SLC8A3: variants seen among roughly 807,000 people sequenced by gnomAD.
SLC8A3 encodes the protein sodium/calcium exchanger 3.
A neutral mutation model predicts 65.4 loss-of-function variants in SLC8A3; 37 were observed. The observed-to-expected ratio is 0.57, with a 90% CI of 0.44 to 0.74. The LOEUF (loss-of-function observed/expected upper bound fraction) is 0.74, where lower values mean the gene tolerates loss of function less well. Among genes scored for constraint, SLC8A3 ranks in the 30% least tolerant of loss-of-function variants. The pLI is 0.00. For missense variants in SLC8A3, 1,112 were observed against 1,172.1 expected (o/e 0.95, Z 0.75); for synonymous variants, 461 against 444.5 (o/e 1.04, Z -0.47).
Position 70,146,030 on chromosome 14 carries a change from G to A in SLC8A3, c.1784+20609C>T, listed in dbSNP as rs116025039. Among the ~76,000 whole-genome samples the A allele has an allele frequency of 3.7e-3, 570 of 152,268 alleles. 3 individuals carry two copies. Among genetic ancestry groups the A allele is most frequent in the African/African-American group, 0.013 (531 of 41,558 alleles). ...ACAGCATGTCCAAATGATAGGCTCT[G>A]TAGAAGATGTCCCCAGGAGCACTCT... On this transcript the variant is annotated intron_variant, in intron 2 of 6. Transcript: ENST00000356921.
In SLC8A3 at chr14:70,051,054, G is replaced by C. The variant is rs112429245; in HGVS notation, c.2067C>G (p.Thr689=). The change falls in exon 5 of 7, where the codon ACC becomes ACG. Residue 689 remains threonine, a synonymous_variant. Coordinates refer to ENST00000356921, the MANE Select transcript of SLC8A3 (RefSeq NM_182932.3). ...KKTNLALVVG[T]HSWRDQFMEA... ...CCATGAACTGGTCCCTCCAGGAATG[G>C]GTCCCCACAACCAAGGCCAGGTTTG... 6.2e-7 allele frequency: 1 copy of C among 1,613,614 alleles called. No individual in the cohort carries two copies. Among genetic ancestry groups the C allele is most frequent in the South Asian group, 1.1e-5 (1 of 91,068 alleles).
chr14:70,109,670 T>G (rs978134156), intron 2 of SLC8A3, among the ~76,000 whole-genome samples: 1 of 151,902 alleles, frequency 6.6e-6, no homozygotes, highest in Admixed American at 6.6e-5. Flanking sequence ...GCCAAGCTGG[T>G]CTCGAAAAGT....
intron 2 of SLC8A3, among the ~76,000 whole-genome samples, chr14:70,129,457 G>A (rs1894682604): frequency 6.6e-6 from 1 of 152,114 alleles, no homozygotes; most frequent in South Asian, 2.1e-4. Context: ...AATCCTATAG[G>A]GGTGTCATTA....
chr14:70,160,438 TA>T (rs1896816889), intron 2 of SLC8A3, among the ~76,000 whole-genome samples: 1 of 152,046 alleles, frequency 6.6e-6, no homozygotes, highest in Non-Finnish European at 1.5e-5. Flanking sequence ...CCGAAATAAA[TA>T]AATAAATAAA....
intron 2 of SLC8A3, chr14:70,064,065 C>T (rs911128911): frequency 4.4e-5 from 26 of 593,372 alleles, no homozygotes; most frequent in African/African-American, 1.1e-4. Flanking sequence ...CACAGGGGCA[C>T]GGAGGAGAGT....
intron 2 of SLC8A3, among the ~76,000 whole-genome samples, chr14:70,116,321 C>CTGTGTGTGTGTGTGTG (rs55890014): frequency 5.8e-4 from 86 of 147,764 alleles, no homozygotes; most frequent in African/African-American, 1.7e-3. Context: ...ATTGAGAACA[C>CTGTGTGTGTGTGTGTG]TGTGTGTGTG....
chr14:70,046,572 A>C lies in SLC8A3; in HGVS notation c.2390-249T>G. The C allele has an allele frequency of 2.2e-6, 1 of 452,246 alleles. No homozygotes were observed. The highest frequency in any genetic ancestry group is 3.9e-6 in the Non-Finnish European group (1 of 254,752). The allele number at this position is 452,246 out of a possible 1,614,324, so 28.0% of individuals were successfully genotyped here. On this transcript the variant is annotated intron_variant, in intron 6 of 6. Coordinates refer to ENST00000356921, the MANE Select transcript of SLC8A3 (RefSeq NM_182932.3). The surrounding 1 kb of genome is among the most constrained non-coding windows in gnomAD (Gnocchi z 4.2). Reference sequence around the variant, plus strand: ...TCTGAAAGATTCTGAAGGGCTTTCCAGTTCTGATATTTACTGAGTGGGCTT... The same window carrying C: ...TCTGAAAGATTCTGAAGGGCTTTCCCGTTCTGATATTTACTGAGTGGGCTT...
At chr14:70,093,583 G>A (rs989687280) in intron 2 of SLC8A3, among the ~76,000 whole-genome samples, 1 of 152,178 alleles carries the variant, frequency 6.6e-6, no homozygotes, top group Admixed American at 6.5e-5. Context: ...TAAACACAGA[G>A]GCCACTTCAG....
At chr14:70,119,031 G>A (rs73276741) in intron 2 of SLC8A3, among the ~76,000 whole-genome samples, 79 of 152,238 alleles carry the variant, frequency 5.2e-4, no homozygotes, top group African/African-American at 1.9e-3. Flanking sequence ...GAGCATGGCA[G>A]TGCAAGGACC....
At chr14:70,051,402 C>G (rs1441119790) in intron 4 of SLC8A3, among the ~76,000 whole-genome samples, 1 of 152,184 alleles carries the variant, frequency 6.6e-6, no homozygotes. Context: ...AAGCCATCCT[C>G]CCACCTCAGC....
intron 3 of SLC8A3, among the ~76,000 whole-genome samples, chr14:70,057,988 C>G (rs183691763): frequency 6.6e-6 from 1 of 152,312 alleles, no homozygotes; most frequent in East Asian, 1.9e-4. Context: ...GTGTTGCTCT[C>G]GGAAGTCCAC....
chr14:70,128,289 C>A (rs995804321), intron 2 of SLC8A3, among the ~76,000 whole-genome samples: 3 of 152,174 alleles, frequency 2.0e-5, no homozygotes, highest in Non-Finnish European at 4.4e-5. Context: ...ACTAACTTTT[C>A]TAGAATACAG....
intron 2 of SLC8A3, among the ~76,000 whole-genome samples, chr14:70,064,903 T>G (rs909835607): frequency 3.9e-5 from 6 of 152,214 alleles, no homozygotes; most frequent in African/African-American, 1.4e-4. Context: ...GATGTAGACC[T>G]GGGCCTCTCC....
intron 2 of SLC8A3, among the ~76,000 whole-genome samples, chr14:70,137,378 G>T (rs533470058): frequency 1.3e-5 from 2 of 151,974 alleles, no homozygotes; most frequent in African/African-American, 4.8e-5. Flanking sequence ...TCCTGACCTC[G>T]TGATCCACCC....
intron 2 of SLC8A3, among the ~76,000 whole-genome samples, chr14:70,158,046 T>A (rs892881108): frequency 6.6e-6 from 1 of 152,006 alleles, no homozygotes; most frequent in Admixed American, 6.6e-5. Context: ...AGTGGAGACA[T>A]GGCAAAAGGA....
intron 2 of SLC8A3, among the ~76,000 whole-genome samples, chr14:70,095,325 A>AG (rs1474788381): frequency 6.6e-6 from 1 of 152,214 alleles, no homozygotes; most frequent in Non-Finnish European, 1.5e-5. Context: ...GCTCTGGGAC[A>AG]AAGTAGAGAA....
Position 70,122,450 on chromosome 14 carries a change from G to A in SLC8A3, c.1784+44189C>T, listed in dbSNP as rs1894138220. ...AGGGCTCTGATGAGCTCTGATGTCA[G>A]ACAGACTTGGCCTGGCCTGCTCTGC... is the stretch of plus-strand genomic sequence containing the variant. On this transcript the variant is annotated intron_variant, in intron 2 of 6. Coordinates refer to ENST00000356921, the MANE Select transcript of SLC8A3 (RefSeq NM_182932.3). 2.0e-5 allele frequency among the ~76,000 whole-genome samples: 3 copies of A among 152,100 alleles called. No individual in the cohort carries two copies. The South Asian group carries it at 6.2e-4, about 32-fold the overall frequency.
intron 1 of SLC8A3, among the ~76,000 whole-genome samples, chr14:70,171,853 C>G (rs1424831924): frequency 6.8e-6 from 1 of 147,016 alleles, no homozygotes; most frequent in African/African-American, 2.5e-5. Flanking sequence ...CTAGTAAATG[C>G]AGGCACCCAG....
At chr14:70,106,811 G>A (rs1375575500) in intron 2 of SLC8A3, among the ~76,000 whole-genome samples, 1 of 152,114 alleles carries the variant, frequency 6.6e-6, no homozygotes, top group Admixed American at 6.5e-5. Flanking sequence ...AAATTGTGAG[G>A]ATTTGAGAAT....
Sources: gnomAD v4.1 joint callset for allele counts (sites outside exome capture counted in the v4.1 genomes callset) on GRCh38, gnomAD v4.1.1 for gene constraint, Gnocchi (gnomAD v3.1) non-coding constraint, MANE v1.5 for transcripts, NCBI Gene and HGNC (gene_info 2026-07-23, HGNC 2026-07-21) for gene names.